FRY: variants seen among roughly 807,000 people sequenced by gnomAD.
FRY encodes protein furry homolog.
FRY carries 128 observed loss-of-function variants against 348.4 expected under a neutral mutation model. That is an observed-to-expected ratio of 0.37 (90% CI 0.32 to 0.43). The LOEUF is 0.43. Among genes scored for constraint, FRY ranks in the 20% least tolerant of loss-of-function variants. The probability of loss-of-function intolerance (pLI) is 1.00; values close to 1 mark genes in which losing one functional copy is unlikely to be tolerated. For synonymous variants in FRY, 1,370 were observed against 1,374.7 expected, an observed-to-expected ratio of 1.00 and a Z score of 0.08; for missense variants, 2,736 against 3,695.2, an observed-to-expected ratio of 0.74 and a Z score of 6.73.
chr13:32,144,808 G>T (rs1372313199), intron 11 of FRY, among the ~76,000 whole-genome samples: 1 of 151,974 alleles, frequency 6.6e-6, no homozygotes, highest in Admixed American at 6.5e-5. Context: ...TTTTTTCAGA[G>T]AACCTATCAT....
At chr13:32,052,649 A>G (rs1263272712) in intron 1 of FRY, among the ~76,000 whole-genome samples, 1 of 152,212 alleles carries the variant, frequency 6.6e-6, no homozygotes, top group Non-Finnish European at 1.5e-5. Flanking sequence ...TTAAATTTGA[A>G]TACCAAATTT....
chr13:32,117,799 G>A (rs1012992593), intron 4 of FRY, among the ~76,000 whole-genome samples: 6 of 152,146 alleles, frequency 3.9e-5, no homozygotes, highest in African/African-American at 1.2e-4. Flanking sequence ...CTGACTTCAG[G>A]CCTTGCGTGA....
At chr13:32,059,179 T>C (rs1873794414) in intron 1 of FRY, among the ~76,000 whole-genome samples, 1 of 152,164 alleles carries the variant, frequency 6.6e-6, no homozygotes, top group African/African-American at 2.4e-5. Context: ...GATACTTTTT[T>C]TTTTCATATT....
intron 8 of FRY, among the ~76,000 whole-genome samples, chr13:32,132,430 T>G (rs1879426924): frequency 6.6e-6 from 1 of 152,114 alleles, no homozygotes; most frequent in Non-Finnish European, 1.5e-5. Context: ...GTGATGACCT[T>G]ACTAGAGGGT....
intron 28 of FRY, among the ~76,000 whole-genome samples, chr13:32,191,323 A>G (rs1357566020): frequency 6.6e-6 from 1 of 152,208 alleles, no homozygotes; most frequent in African/African-American, 2.4e-5. Context: ...TTTATTCACC[A>G]AAAGACACCA....
chr13:32,184,894 A>G (rs1303213100), intron 25 of FRY, 82 bp from the exon 26 acceptor site: 1 of 1,221,048 alleles, frequency 8.2e-7, no homozygotes, highest in Admixed American at 1.7e-5. Flanking sequence ...GAGTTGTGAC[A>G]GTGAATCTTA....
rs181864027 is a variant in FRY at position 32,211,711 on chromosome 13, A to T, written c.4592-581A>T. 3.3e-5 allele frequency among the ~76,000 whole-genome samples: 5 copies of T among 152,208 alleles called. No individual in the cohort carries two copies. The East Asian group carries it at 9.7e-4, about 29-fold the overall frequency. ...CCAAAAGTATTATCACTTTTGGTTA[A>T]TTGGTGTCTCAGCAACCTTTCATGA... On this transcript the variant is annotated intron_variant, in intron 34 of 60. Transcript: ENST00000542859.
At chr13:32,130,197 C>A (rs556658112) in intron 7 of FRY, among the ~76,000 whole-genome samples, 4 of 151,776 alleles carry the variant, frequency 2.6e-5, no homozygotes, top group African/African-American at 7.3e-5. Context: ...CACACCACCA[C>A]GCCCGGCTAA....
At chr13:32,144,782 G>T (rs1880297367) in intron 11 of FRY, among the ~76,000 whole-genome samples, 1 of 152,100 alleles carries the variant, frequency 6.6e-6, no homozygotes, top group African/African-American at 2.4e-5. Flanking sequence ...AGATCTTAGG[G>T]GTAAATAATG....
At chr13:32,149,203 T>C (rs2138140595) in intron 13 of FRY, among the ~76,000 whole-genome samples, 1 of 149,208 alleles carries the variant, frequency 6.7e-6, no homozygotes, top group South Asian at 2.1e-4. Flanking sequence ...ACCTGGCATA[T>C]TATACCTGTT....
At chr13:32,201,891 C>A (rs73169120) in intron 29 of FRY, 50 bp from the exon 30 acceptor site, 59,428 of 1,012,662 alleles carry the variant, frequency 0.059, 3,367 homozygotes, top group East Asian at 0.27. Flanking sequence ...AATCTAGCCA[C>A]TCTGTCTTAT....
intron 39 of FRY, among the ~76,000 whole-genome samples, chr13:32,227,957 A>G (rs1017555597): frequency 2.0e-5 from 3 of 152,096 alleles, no homozygotes; most frequent in African/African-American, 4.8e-5. Context: ...TCACCATGCT[A>G]GCCAGGATGG....
chr13:32,211,186 TG>T, intron 34 of FRY, 152 bp downstream of exon 34: 1 of 793,676 alleles, frequency 1.3e-6, no homozygotes, highest in Non-Finnish European at 2.1e-6. Flanking sequence ...AACTGAGACA[TG>T]GGCTGGGCGT....
At chr13:32,150,498 G>A (rs1325628935) in intron 14 of FRY, among the ~76,000 whole-genome samples, 1 of 152,198 alleles carries the variant, frequency 6.6e-6, no homozygotes, top group Non-Finnish European at 1.5e-5. Flanking sequence ...TTTGCCACTT[G>A]CCACAGGCTC....
At chr13:32,141,535 G>T (rs1446562154) in intron 11 of FRY, among the ~76,000 whole-genome samples, 1 of 152,174 alleles carries the variant, frequency 6.6e-6, no homozygotes, top group Non-Finnish European at 1.5e-5. Flanking sequence ...AATTCCTACA[G>T]AAGCCTGTTA....
chr13:32,098,905 T>C (rs433669), intron 2 of FRY, among the ~76,000 whole-genome samples: 97,442 of 151,900 alleles, frequency 0.64, 31,721 homozygotes, highest in Middle Eastern at 0.69. Context: ...TTTGAACCTG[T>C]ATATTTTGCA....
rs1007138611 is a variant in FRY at position 32,121,459 on chromosome 13, G to T, written c.465-2827G>T. On this transcript the variant is annotated intron_variant, in intron 4 of 60. Coordinates refer to ENST00000542859, the MANE Select transcript of FRY (RefSeq NM_023037.3). ...CGGGTTTTTTTGTTTTTTGTTTTTT[G>T]TTTTTATGGCCGTTCTTGCAGGAGT... Among the ~76,000 whole-genome samples, 5 of 151,864 alleles carry T rather than the reference G, an allele frequency of 3.3e-5. No homozygotes were observed. The East Asian group carries it at 9.7e-4, about 29-fold the overall frequency.
At chr13:32,180,288 G>A (rs1882623088) in intron 23 of FRY, among the ~76,000 whole-genome samples, 1 of 151,278 alleles carries the variant, frequency 6.6e-6, no homozygotes, top group Non-Finnish European at 1.5e-5. Context: ...AGGCTGGAGT[G>A]CAGTGGCGCA....
chr13:32,118,047 G>A (rs1878418345), intron 4 of FRY, among the ~76,000 whole-genome samples: 1 of 152,064 alleles, frequency 6.6e-6, no homozygotes, highest in African/African-American at 2.4e-5. Flanking sequence ...TTTATTCTCT[G>A]TTCCCTTCTT....
Sources: gnomAD v4.1 joint callset for allele counts (sites outside exome capture counted in the v4.1 genomes callset) on GRCh38, gnomAD v4.1.1 for gene constraint, MANE v1.5 for transcripts, NCBI Gene and HGNC (gene_info 2026-07-23, HGNC 2026-07-21) for gene names.